The following TRHDE variants were observed in gnomAD, a reference collection of about 807,000 sequenced individuals.
The protein encoded by TRHDE is thyrotropin-releasing hormone-degrading ectoenzyme.
A neutral mutation model predicts 125.7 loss-of-function variants in TRHDE; 72 were observed. The ratio of observed to expected loss-of-function variants is 0.57; its 90% CI spans 0.47 to 0.70. The LOEUF (loss-of-function observed/expected upper bound fraction) is 0.70, where lower values mean the gene tolerates loss of function less well. Among genes scored for constraint, TRHDE ranks in the 30% least tolerant of loss-of-function variants. The pLI is 0.00. For missense variants in TRHDE, 1,110 were observed against 1,327.1 expected, an observed-to-expected ratio of 0.84 and a Z score of 2.54; for synonymous variants, 509 against 509.1, an observed-to-expected ratio of 1.00 and a Z score of 0.00.
At chr12:72,570,538 G>A (rs757834950) in intron 10 of TRHDE, among the ~76,000 whole-genome samples, 4 of 135,862 alleles carry the variant, frequency 2.9e-5, no homozygotes, top group Non-Finnish European at 6.1e-5. Flanking sequence ...CCGAGATCGC[G>A]CTATGGCACT....
Position 72,447,751 on chromosome 12 carries a change from G to A in TRHDE, c.1316-22007G>A, listed in dbSNP as rs1011263740. ...AATTTTCAAAAAAAGATTGATGCTT[G>A]AGCTGCACTCCTAGAGCCTCAGAGA... On this transcript the variant is annotated intron_variant, in intron 3 of 18. Coordinates refer to ENST00000261180, the MANE Select transcript of TRHDE (RefSeq NM_013381.3). 2.6e-5 allele frequency among the ~76,000 whole-genome samples: 4 copies of A among 151,990 alleles called. No homozygotes were observed. In the East Asian group the frequency reaches 7.7e-4, roughly 29 times the overall value.
At chr12:72,662,050 T>C (rs1278597179) in intron 18 of TRHDE, among the ~76,000 whole-genome samples, 1 of 152,192 alleles carries the variant, frequency 6.6e-6, no homozygotes, top group Non-Finnish European at 1.5e-5. Context: ...CAGAAAGTTA[T>C]AACCGCATTT....
intron 2 of TRHDE, among the ~76,000 whole-genome samples, chr12:72,370,512 C>T (rs908043756): frequency 6.6e-6 from 1 of 152,118 alleles, no homozygotes; most frequent in Non-Finnish European, 1.5e-5. Flanking sequence ...TTTACAGACA[C>T]TTGTGTAATA....
In TRHDE at chr12:72,524,200, C is replaced by T. The variant is rs185940407; in HGVS notation, c.1723-18091C>T. 3.0e-3 allele frequency among the ~76,000 whole-genome samples: 456 copies of T among 152,174 alleles called. 2 individuals carry two copies. The highest frequency in any genetic ancestry group is 0.01 in the African/African-American group (420 of 41,524). On this transcript the variant is annotated intron_variant, in intron 6 of 18. Transcript: ENST00000261180. ...GGTGGTTTGATGAAACTTTAATCAG[C>T]GCATTTTATCCTCTCCGTAAACTCT... is the stretch of plus-strand genomic sequence containing the variant.
chr12:72,410,652 A>G (rs1346711000), intron 3 of TRHDE, among the ~76,000 whole-genome samples: 1 of 152,160 alleles, frequency 6.6e-6, no homozygotes. Flanking sequence ...AAAAACAATA[A>G]AAGTCAACAT....
rs11609228 is a variant in TRHDE, at chr12:72,355,236, G to T, written c.1189-22759G>T. On this transcript the variant is annotated intron_variant, in intron 2 of 18. Transcript: ENST00000261180. ...CAAGGATGGTTTCTCTGAAATAGGG[G>T]TGAGAAATTTGAAGGATAGTAAAAG... 8.7e-3 allele frequency among the ~76,000 whole-genome samples: 1,317 copies of T among 151,646 alleles called. 13 individuals are homozygous for T. Among genetic ancestry groups the T allele is most frequent in the Admixed American group, 0.018 (268 of 15,144 alleles).
At chr12:72,535,711 A>G (rs979136923) in intron 6 of TRHDE, among the ~76,000 whole-genome samples, 1 of 152,020 alleles carries the variant, frequency 6.6e-6, no homozygotes, top group Non-Finnish European at 1.5e-5. Context: ...CGAAGAAAAC[A>G]TGTTTTTCAA....
chr12:72,305,889 C>A (rs1240453592), intron 2 of TRHDE, among the ~76,000 whole-genome samples: 1 of 152,208 alleles, frequency 6.6e-6, no homozygotes, highest in Non-Finnish European at 1.5e-5. Flanking sequence ...TCTTAGAAGA[C>A]AATCCTCGAT....
intron 3 of TRHDE, among the ~76,000 whole-genome samples, chr12:72,446,430 C>T (rs563379792): frequency 6.6e-6 from 1 of 152,018 alleles, no homozygotes; most frequent in Non-Finnish European, 1.5e-5. Context: ...ACCATTGATG[C>T]TAGGAAGAAA....
chr12:72,296,061 T>C lies in TRHDE; in HGVS notation c.1188+9107T>C, dbSNP rs1284982149. Among the ~76,000 whole-genome samples, 3 of 152,304 alleles carry C rather than the reference T, an allele frequency of 2.0e-5. No homozygotes were observed. The East Asian group carries it at 5.8e-4, about 29-fold the overall frequency. The stretch of plus-strand genomic sequence containing the variant: ...CTGTTCATAGAGCTTTCTTGCCAGC[T>C]CCTTTAGACTGTGAACTCTTTGAAG... On this transcript the variant is annotated intron_variant, in intron 2 of 18. Transcript: ENST00000261180.
intron 7 of TRHDE, among the ~76,000 whole-genome samples, chr12:72,559,843 T>C (rs947624472): frequency 2.0e-4 from 31 of 152,306 alleles, no homozygotes; most frequent in Admixed American, 1.2e-3. Context: ...CAAGTGGTTA[T>C]TATACCAAGA....
At chr12:72,150,549 AC>A (rs1876336275) in intron 2 of TRHDE, among the ~76,000 whole-genome samples, 1 of 69,012 alleles carries the variant, frequency 1.4e-5, no homozygotes, top group African/African-American at 5.3e-5. Context: ...CCCTCCCCCC[AC>A]CCCCCACCCG....
chr12:72,489,559 A>T (rs1441175757), intron 5 of TRHDE, among the ~76,000 whole-genome samples: 1 of 151,926 alleles, frequency 6.6e-6, no homozygotes, highest in Non-Finnish European at 1.5e-5. Flanking sequence ...GCAAAAGAAC[A>T]ACGCTAGAGA....
chr12:72,391,454 G>A (rs1872607600), intron 3 of TRHDE, among the ~76,000 whole-genome samples: 3 of 152,044 alleles, frequency 2.0e-5, no homozygotes, highest in African/African-American at 4.8e-5. Context: ...TTAGTTGGAG[G>A]AATTTTAATG....
intron 1 of TRHDE, among the ~76,000 whole-genome samples, chr12:72,279,804 C>A (rs1384685326): frequency 6.6e-6 from 1 of 152,126 alleles, no homozygotes; most frequent in Non-Finnish European, 1.5e-5. Flanking sequence ...ACTGTGGCCC[C>A]AGTTGTACAG....
intron 2 of TRHDE, among the ~76,000 whole-genome samples, chr12:72,311,903 T>G (rs1868559520): frequency 7.1e-6 from 1 of 141,414 alleles, no homozygotes. Flanking sequence ...AGGAATCTTT[T>G]CTTACTCTTC....
intron 2 of TRHDE, among the ~76,000 whole-genome samples, chr12:72,308,129 C>T (rs925944354): frequency 1.1e-4 from 16 of 151,250 alleles, no homozygotes; most frequent in Admixed American, 4.0e-4. Flanking sequence ...GAGGAACTAG[C>T]GAGACTATAA....
chr12:72,464,449 G>A (rs548253077), intron 3 of TRHDE, among the ~76,000 whole-genome samples: 1 of 152,092 alleles, frequency 6.6e-6, no homozygotes, highest in Admixed American at 6.6e-5. Flanking sequence ...CTCCGGAGGG[G>A]ATGAATGTTG....
intron 2 of TRHDE, among the ~76,000 whole-genome samples, chr12:72,370,048 C>T (rs1273588920): frequency 6.6e-6 from 1 of 152,102 alleles, no homozygotes; most frequent in African/African-American, 2.4e-5. Context: ...CTTGATTAAC[C>T]ATACAGGAAT....
Sources: allele counts gnomAD v4.1 joint callset (sites outside exome capture counted in the v4.1 genomes callset), GRCh38; gene constraint gnomAD v4.1.1; transcripts MANE v1.5; gene names NCBI Gene and HGNC (gene_info 2026-07-23, HGNC 2026-07-21).